Variants in ADAMTS6 observed in about 807,000 individuals in gnomAD.
ADAMTS6 encodes the protein A disintegrin and metalloproteinase with thrombospondin motifs 6.
A neutral mutation model predicts 144.3 loss-of-function variants in ADAMTS6; 23 were observed. That is an observed-to-expected ratio of 0.16 (90% confidence interval 0.11 to 0.23). The LOEUF (loss-of-function observed/expected upper bound fraction) is 0.23, where lower values mean the gene tolerates loss of function less well. Among genes scored for constraint, ADAMTS6 ranks in the 10% least tolerant of loss-of-function variants. The pLI is 1.00. For synonymous variants in ADAMTS6, 444 were observed against 457.5 expected (o/e 0.97, Z 0.38); for missense variants, 999 against 1,379.6 (o/e 0.72, Z 4.37).
chr5:65,325,927 A>G (rs780909489), intron 9 of ADAMTS6, among the ~76,000 whole-genome samples: 8 of 152,216 alleles, frequency 5.3e-5, no homozygotes, highest in Non-Finnish European at 1.2e-4. Context: ...TCAGACATAT[A>G]CAATAGTAGA....
chr5:65,207,046 C>A (rs1756152129), intron 20 of ADAMTS6, among the ~76,000 whole-genome samples: 1 of 152,146 alleles, frequency 6.6e-6, no homozygotes, highest in Non-Finnish European at 1.5e-5. Flanking sequence ...CCTGTATAAT[C>A]ATTTAGTATA....
intron 7 of ADAMTS6, among the ~76,000 whole-genome samples, chr5:65,365,452 C>G (rs1317410641): frequency 6.6e-6 from 1 of 152,056 alleles, no homozygotes; most frequent in Non-Finnish European, 1.5e-5. Flanking sequence ...TTGAGATCAG[C>G]TTGGCCAACA....
rs565515084 is a variant in ADAMTS6, at chr5:65,456,053, T to C, written c.632-3135A>G. On this transcript the variant is annotated intron_variant, in intron 4 of 24. Transcript: ENST00000381055. ...ATTCAATATTTTATACATATACACA[T>C]ATACTGAATAAAATCAAGAGAGAGA... Among the ~76,000 whole-genome samples, 19 of 151,496 alleles carry C rather than the reference T, an allele frequency of 1.3e-4. No homozygotes were observed. In the East Asian group the frequency reaches 3.3e-3, roughly 26 times the overall value.
chr5:65,329,162 C>T (rs1405012564), intron 9 of ADAMTS6, among the ~76,000 whole-genome samples: 3 of 152,078 alleles, frequency 2.0e-5, no homozygotes, highest in South Asian at 2.1e-4. Flanking sequence ...GGTGCATTCA[C>T]CACTGAGGAT....
chr5:65,157,770 C>A (rs374134068), intron 24 of ADAMTS6, among the ~76,000 whole-genome samples: 9 of 152,096 alleles, frequency 5.9e-5, no homozygotes, highest in African/African-American at 1.7e-4. Flanking sequence ...ACTCAGTGTA[C>A]TTCTCCTAAT....
intron 11 of ADAMTS6, 89 bp from the exon 12 acceptor site, chr5:65,273,536 T>G: frequency 9.4e-7 from 1 of 1,066,826 alleles, no homozygotes; most frequent in East Asian, 2.4e-5. Flanking sequence ...CTGCATTACT[T>G]TCAAGAGACC....
chr5:65,201,518 G>A (rs78673306), intron 20 of ADAMTS6, among the ~76,000 whole-genome samples: 5 of 152,076 alleles, frequency 3.3e-5, no homozygotes, highest in Non-Finnish European at 7.4e-5. Context: ...AGGATGGGTC[G>A]GGGGTGGTTA....
At chr5:65,310,191 C>T (rs116507875) in intron 9 of ADAMTS6, among the ~76,000 whole-genome samples, 2,339 of 151,942 alleles carry the variant, frequency 0.015, 52 homozygotes, top group African/African-American at 0.054. Context: ...TTTTAAGTTC[C>T]TGGAGGCCTC....
At chr5:65,420,946 C>T (rs1755982280) in intron 7 of ADAMTS6, among the ~76,000 whole-genome samples, 1 of 152,132 alleles carries the variant, frequency 6.6e-6, no homozygotes, top group Non-Finnish European at 1.5e-5. Context: ...TACCTCGAGT[C>T]TGTAAGAATT....
chr5:65,221,003 A>G (rs1156423791), intron 18 of ADAMTS6, among the ~76,000 whole-genome samples: 2 of 152,218 alleles, frequency 1.3e-5, no homozygotes, highest in Non-Finnish European at 2.9e-5. Context: ...TTTGTTATAA[A>G]AATTGAATTT....
At chr5:65,377,886 G>C (rs1276625318) in intron 7 of ADAMTS6, among the ~76,000 whole-genome samples, 4 of 152,176 alleles carry the variant, frequency 2.6e-5, no homozygotes, top group African/African-American at 9.7e-5. Flanking sequence ...CTGTAAGGGA[G>C]AATCCTTCCT....
chr5:65,179,850 T>G (rs1203337573), intron 22 of ADAMTS6, among the ~76,000 whole-genome samples: 1 of 152,168 alleles, frequency 6.6e-6, no homozygotes, highest in African/African-American at 2.4e-5. Context: ...TAATTATGTA[T>G]TTACATGTCT....
At chr5:65,358,241 T>TA (rs1459992785) in intron 7 of ADAMTS6, among the ~76,000 whole-genome samples, 1 of 151,870 alleles carries the variant, frequency 6.6e-6, no homozygotes, top group Non-Finnish European at 1.5e-5. Context: ...AATGAGTGCA[T>TA]AAAAAGCATT....
intron 22 of ADAMTS6, among the ~76,000 whole-genome samples, chr5:65,184,655 T>C (rs2112155300): frequency 6.6e-6 from 1 of 152,320 alleles, no homozygotes; most frequent in African/African-American, 2.4e-5. Flanking sequence ...CAAGAGCTAC[T>C]TGCCCAGTGA....
chr5:65,243,456 T>G (rs914964852), intron 14 of ADAMTS6, among the ~76,000 whole-genome samples: 2 of 152,058 alleles, frequency 1.3e-5, no homozygotes, highest in African/African-American at 2.4e-5. Context: ...ATTCTGAAAA[T>G]AGTGGCAGCA....
intron 11 of ADAMTS6, among the ~76,000 whole-genome samples, chr5:65,278,964 G>A (rs1468586453): frequency 7.2e-6 from 1 of 138,632 alleles, no homozygotes; most frequent in Non-Finnish European, 1.5e-5. Context: ...TTTTTTTTGA[G>A]GCAGGGTCTC....
At chr5:65,276,261 G>T (rs1762531578) in intron 11 of ADAMTS6, among the ~76,000 whole-genome samples, 1 of 152,016 alleles carries the variant, frequency 6.6e-6, no homozygotes, top group Non-Finnish European at 1.5e-5. Context: ...TGTTACCTTG[G>T]TGGGCTCCTG....
At chr5:65,317,398 T>G (rs1745111739) in intron 9 of ADAMTS6, among the ~76,000 whole-genome samples, 1 of 152,148 alleles carries the variant, frequency 6.6e-6, no homozygotes, top group African/African-American at 2.4e-5. Context: ...TATACAATAA[T>G]CAAATCAAGA....
chr5:65,261,542 G>A (rs1370040770), intron 13 of ADAMTS6, among the ~76,000 whole-genome samples: 1 of 152,130 alleles, frequency 6.6e-6, no homozygotes, highest in Non-Finnish European at 1.5e-5. Flanking sequence ...AAAAGATCAA[G>A]TCTAAATTAT....
Sources: allele counts gnomAD v4.1 joint callset (sites outside exome capture counted in the v4.1 genomes callset), GRCh38; gene constraint gnomAD v4.1.1; transcripts MANE v1.5; gene names NCBI Gene and HGNC (gene_info 2026-07-23, HGNC 2026-07-21).